RNF180: variants seen among roughly 807,000 people sequenced by gnomAD.
RNF180 encodes ring finger protein 180.
Under a neutral mutation model 59.2 loss-of-function variants are expected in RNF180, and 38 were observed. The observed-to-expected ratio is 0.64, with a 90% CI of 0.50 to 0.84. RNF180 has a LOEUF of 0.84. RNF180 is among the 40% of genes least tolerant of loss of function. The pLI, the probability that RNF180 is intolerant of heterozygous loss-of-function variation, is 0.00. For synonymous variants in RNF180, 262 were observed against 240.3 expected (o/e 1.09, Z -0.84); for missense variants, 705 against 700.9 (o/e 1.01, Z -0.07).
intron 5 of RNF180, among the ~76,000 whole-genome samples, chr5:64,307,000 TAAAAA>T (rs1364670951): frequency 1.4e-5 from 2 of 147,444 alleles, no homozygotes; most frequent in Non-Finnish European, 3.0e-5. Context: ...AATAAAAAAA[TAAAAA>T]TAAAAAAAAA....
At chr5:64,332,178 C>T (rs763057304) in intron 7 of RNF180, among the ~76,000 whole-genome samples, 1 of 152,062 alleles carries the variant, frequency 6.6e-6, no homozygotes, top group African/African-American at 2.4e-5. Flanking sequence ...GCCCAGCAGG[C>T]ACAAGCAGTA....
chr5:64,176,566 C>G (rs917618621), intron 1 of RNF180, among the ~76,000 whole-genome samples: 3 of 151,976 alleles, frequency 2.0e-5, no homozygotes, highest in Non-Finnish European at 4.4e-5. Context: ...TGAGAAATGA[C>G]GGCTGAGTTT....
intron 1 of RNF180, among the ~76,000 whole-genome samples, chr5:64,193,118 G>T (rs903480482): frequency 5.5e-4 from 83 of 151,686 alleles, no homozygotes; most frequent in Non-Finnish European, 8.8e-5. Flanking sequence ...AATTGTGACT[G>T]TCGGGATGGG....
chr5:64,214,060 T>C lies in RNF180; in HGVS notation c.734T>C (p.Leu245Ser), dbSNP rs1752477246. ...GAGAAACTGACTTTATTACCCACTT[T>C]ATATGAAATACATAGTAAGACTACT... ...ISEKLTLLPTLYEIHSKTTAY... is the reference protein window; with the variant it reads ...ISEKLTLLPTSYEIHSKTTAY... The change falls in exon 4 of 8, where the codon TTA (leucine) becomes TCA (serine). Residue 245 changes from leucine (L) to serine (S), a missense_variant. Leu to Ser is a moderately radical substitution (Grantham distance 145, BLOSUM62 -2). Transcript: ENST00000389100. 1.1e-5 allele frequency: 17 copies of C among 1,613,952 alleles called. No homozygotes were observed. The East Asian group carries it at 3.6e-4, about 34-fold the overall frequency.
intron 1 of RNF180, among the ~76,000 whole-genome samples, chr5:64,172,092 G>A (rs1749967898): frequency 6.6e-6 from 1 of 152,118 alleles, no homozygotes; most frequent in African/African-American, 2.4e-5. Context: ...TCAACTTGTG[G>A]GCCACTTTTT....
At chr5:64,363,169 C>T (rs989160224) in intron 7 of RNF180, among the ~76,000 whole-genome samples, 1 of 151,800 alleles carries the variant, frequency 6.6e-6, no homozygotes, top group Non-Finnish European at 1.5e-5. Context: ...AATCTTTGCC[C>T]ATTCCTGTGT....
At chr5:64,228,278 C>A (rs565767856) in intron 5 of RNF180, among the ~76,000 whole-genome samples, 1 of 152,252 alleles carries the variant, frequency 6.6e-6, no homozygotes, top group African/African-American at 2.4e-5. Flanking sequence ...CTTTGGGAGG[C>A]TGACGCAAGA....
chr5:64,294,713 G>A (rs915501166), intron 5 of RNF180, among the ~76,000 whole-genome samples: 1 of 152,048 alleles, frequency 6.6e-6, no homozygotes, highest in Non-Finnish European at 1.5e-5. Flanking sequence ...TTACAAAAGT[G>A]GTATCATACT....
intron 1 of RNF180, among the ~76,000 whole-genome samples, chr5:64,169,795 G>T (rs1749842108): frequency 6.6e-6 from 1 of 152,222 alleles, no homozygotes; most frequent in Non-Finnish European, 1.5e-5. Flanking sequence ...TTTAACAAGA[G>T]AATTCAAAGA....
chr5:64,226,916 G>A (rs1159373962), intron 5 of RNF180, among the ~76,000 whole-genome samples: 1 of 152,198 alleles, frequency 6.6e-6, no homozygotes, highest in East Asian at 1.9e-4. Flanking sequence ...AAAAAGTCCT[G>A]TCTTGCAAAT....
At chr5:64,252,918 C>T (rs1263002883) in intron 5 of RNF180, among the ~76,000 whole-genome samples, 1 of 151,954 alleles carries the variant, frequency 6.6e-6, no homozygotes, top group African/African-American at 2.4e-5. Context: ...TCACCATCAC[C>T]ACCCCCCGCC....
intron 7 of RNF180, among the ~76,000 whole-genome samples, chr5:64,349,508 G>A (rs1381469375): frequency 6.6e-6 from 1 of 150,794 alleles, no homozygotes; most frequent in Non-Finnish European, 1.5e-5. Context: ...GTATACATGT[G>A]CCATGTTGGT....
At chr5:64,191,018 G>A (rs760651967) in intron 1 of RNF180, among the ~76,000 whole-genome samples, 1 of 152,174 alleles carries the variant, frequency 6.6e-6, no homozygotes, top group African/African-American at 2.4e-5. Context: ...TTCAAAAGAA[G>A]GGTGTAAAAA....
intron 5 of RNF180, among the ~76,000 whole-genome samples, chr5:64,254,758 A>C (rs1743826712): frequency 6.6e-6 from 1 of 152,188 alleles, no homozygotes; most frequent in Non-Finnish European, 1.5e-5. Context: ...TAATATGCCT[A>C]AGGAAATGTA....
intron 5 of RNF180, among the ~76,000 whole-genome samples, chr5:64,256,450 A>G (rs1383682485): frequency 1.3e-5 from 2 of 152,204 alleles, no homozygotes; most frequent in African/African-American, 4.8e-5. Context: ...ACCATTTATT[A>G]AATAGGGAAT....
rs112575588 is a variant in RNF180, at chr5:64,194,259, G to A, written c.1-6549G>A. 2.6e-5 allele frequency among the ~76,000 whole-genome samples: 4 copies of A among 152,110 alleles called. 1 individual carries two copies. The highest frequency in any genetic ancestry group is 9.6e-5 in the African/African-American group (4 of 41,484). On this transcript the variant is annotated intron_variant, in intron 1 of 7. Transcript: ENST00000389100. ...TATGAGTGAGAACATGCAGTGTTTG[G>A]TTTTTTGTCCTTGCGATAGTTTGCT...
At chr5:64,263,005 A>G (rs1744435140) in intron 5 of RNF180, among the ~76,000 whole-genome samples, 2 of 152,204 alleles carry the variant, frequency 1.3e-5, no homozygotes, top group African/African-American at 4.8e-5. Context: ...TATAATGGCC[A>G]CAAATATGGT....
At chr5:64,264,110 T>C (rs1447714481) in intron 5 of RNF180, among the ~76,000 whole-genome samples, 4 of 152,198 alleles carry the variant, frequency 2.6e-5, no homozygotes, top group Admixed American at 2.6e-4. Flanking sequence ...TTTCACAATT[T>C]GATGGATTAT....
chr5:64,184,823 A>C (rs1432428517), intron 1 of RNF180, among the ~76,000 whole-genome samples: 2 of 152,168 alleles, frequency 1.3e-5, no homozygotes, highest in Non-Finnish European at 2.9e-5. Flanking sequence ...TCCATGAGGA[A>C]ATGAATGAGA....
Sources: gnomAD v4.1 joint callset for allele counts (sites outside exome capture counted in the v4.1 genomes callset) on GRCh38, gnomAD v4.1.1 for gene constraint, MANE v1.5 for transcripts, NCBI Gene and HGNC (gene_info 2026-07-23, HGNC 2026-07-21) for gene names.